Variants in ABTB3 observed in about 807,000 individuals in gnomAD.
The protein encoded by ABTB3 is ankyrin repeat and BTB domain containing 3, also known as ankyrin repeat- and BTB/POZ domain-containing protein 3.
the ABTB3 span, among the ~76,000 whole-genome samples, chr12:107,561,595 C>G: frequency 6.6e-6 from 1 of 152,154 alleles, no homozygotes; most frequent in African/African-American, 2.4e-5. Context: ...AGTAAACCTC[C>G]TTGCTAGATT....
the ABTB3 span, among the ~76,000 whole-genome samples, chr12:107,542,941 G>A: frequency 6.6e-6 from 1 of 152,178 alleles, no homozygotes; most frequent in Non-Finnish European, 1.5e-5. Flanking sequence ...GTTGTATGAT[G>A]GGTGGCAGAG....
chr12:107,624,728 C>T, the ABTB3 span, among the ~76,000 whole-genome samples: 320 of 152,284 alleles, frequency 2.1e-3, no homozygotes, highest in Non-Finnish European at 3.8e-3. Context: ...GTTTAAGCAC[C>T]CAACTGTTGA....
the ABTB3 span, among the ~76,000 whole-genome samples, chr12:107,452,351 C>G: frequency 2.0e-5 from 3 of 152,052 alleles, no homozygotes; most frequent in Middle Eastern, 3.4e-3. Flanking sequence ...GGGACACAGG[C>G]GCCCACCACC....
chr12:107,445,714 G>T, the ABTB3 span, among the ~76,000 whole-genome samples: 1 of 152,080 alleles, frequency 6.6e-6, no homozygotes, highest in Non-Finnish European at 1.5e-5. Context: ...CTAAAATCGA[G>T]GTGTCAGTAG....
the ABTB3 span, among the ~76,000 whole-genome samples, chr12:107,451,076 C>A: frequency 2.0e-5 from 3 of 152,026 alleles, no homozygotes; most frequent in African/African-American, 7.2e-5. Flanking sequence ...CATACGAATT[C>A]CGTACGGTGG....
the ABTB3 span, among the ~76,000 whole-genome samples, chr12:107,450,021 G>A: frequency 6.6e-6 from 1 of 152,152 alleles, no homozygotes; most frequent in African/African-American, 2.4e-5. Flanking sequence ...TGCAGTAGGT[G>A]CTCAAGGAAT....
chr12:107,626,277 C>T, the ABTB3 span, among the ~76,000 whole-genome samples: 1 of 150,894 alleles, frequency 6.6e-6, no homozygotes, highest in African/African-American at 2.4e-5. Context: ...TCTATTACAT[C>T]TTCCCGAAGC....
At chr12:107,656,136 C>CAA in the ABTB3 span, among the ~76,000 whole-genome samples, 2 of 129,632 alleles carry the variant, frequency 1.5e-5, no homozygotes, top group Non-Finnish European at 3.4e-5. Flanking sequence ...AAAAAAAATA[C>CAA]AAAAAAAAAA....
At chr12:107,541,869 T>C in the ABTB3 span, among the ~76,000 whole-genome samples, 1 of 151,942 alleles carries the variant, frequency 6.6e-6, no homozygotes, top group Non-Finnish European at 1.5e-5. Context: ...GACATGCAAT[T>C]TACTCATGTT....
the ABTB3 span, among the ~76,000 whole-genome samples, chr12:107,616,014 CCTGG>C: frequency 2.0e-5 from 3 of 152,052 alleles, no homozygotes; most frequent in African/African-American, 7.2e-5. Flanking sequence ...TTTGTTGTTT[CCTGG>C]GTCATGAGAA....
At chr12:107,614,949 G>T in the ABTB3 span, 1 of 833,298 alleles carries the variant, frequency 1.2e-6, no homozygotes. Context: ...GCATCTTCCA[G>T]GATGTCTTTT....
the ABTB3 span, among the ~76,000 whole-genome samples, chr12:107,474,512 T>G: frequency 6.6e-6 from 1 of 152,180 alleles, no homozygotes; most frequent in Non-Finnish European, 1.5e-5. Flanking sequence ...AAACCTGTGC[T>G]CTTCTGAGTG....
the ABTB3 span, among the ~76,000 whole-genome samples, chr12:107,486,303 C>T: frequency 6.6e-6 from 1 of 152,160 alleles, no homozygotes; most frequent in Admixed American, 6.5e-5. Flanking sequence ...CCTTCTAACT[C>T]ACAGGTTGGC....
chr12:107,520,361 T>G, the ABTB3 span: 1 of 1,471,028 alleles, frequency 6.8e-7, no homozygotes, highest in Non-Finnish European at 9.1e-7. Context: ...GTTCCTACAT[T>G]GGCTTTCTTT....
the ABTB3 span, among the ~76,000 whole-genome samples, chr12:107,608,942 T>TAAAAG: frequency 3.3e-5 from 2 of 60,252 alleles, no homozygotes; most frequent in South Asian, 1.2e-3. Context: ...TAAAATAAAA[T>TAAAAG]AAATAAAATA....
At chr12:107,625,828 C>T in the ABTB3 span, among the ~76,000 whole-genome samples, 2 of 152,142 alleles carry the variant, frequency 1.3e-5, no homozygotes, top group African/African-American at 4.8e-5. Flanking sequence ...ACTTGACCTT[C>T]GATGACACCA....
At chr12:107,618,283 G>T in the ABTB3 span, 1 of 1,613,820 alleles carries the variant, frequency 6.2e-7, no homozygotes, top group Non-Finnish European at 8.5e-7. Flanking sequence ...TGCGCCAGCC[G>T]CAACAGCAAG....
chr12:107,416,847 G>GGT, the ABTB3 span, among the ~76,000 whole-genome samples: 7 of 152,070 alleles, frequency 4.6e-5, no homozygotes, highest in Non-Finnish European at 7.4e-5. Context: ...TGTCCAGGCT[G>GGT]GTCTCAAACT....
At chr12:107,581,038 C>G in the ABTB3 span, 112 of 1,550,822 alleles carry the variant, frequency 7.2e-5, no homozygotes, top group African/African-American at 1.3e-3. Flanking sequence ...GGGGTGTGGG[C>G]TGGGGAGTCG....
Sources: allele counts gnomAD v4.1 joint callset (sites outside exome capture counted in the v4.1 genomes callset), GRCh38; gene constraint gnomAD v4.1.1; transcripts MANE v1.5; gene names NCBI Gene and HGNC (gene_info 2026-07-23, HGNC 2026-07-21).